The following IFRD1 variants were observed in gnomAD, a reference collection of about 807,000 sequenced individuals.
IFRD1 encodes the protein interferon related developmental regulator 1.
In IFRD1, 35 loss-of-function variants were observed where a neutral mutation model predicts 52.9. The observed-to-expected ratio is 0.66, with a 90% CI of 0.51 to 0.88. The LOEUF is 0.88. Ranked by LOEUF, IFRD1 falls within the 40% of genes least tolerant of loss-of-function variation. The pLI is 0.00. For missense variants in IFRD1, 517 were observed against 550.8 expected, an observed-to-expected ratio of 0.94 and a Z score of 0.61; for synonymous variants, 184 against 188.4, an observed-to-expected ratio of 0.98 and a Z score of 0.19.
At chr7:112,430,396 AGGGGT>A (rs1794522948) in intron 1 of IFRD1, among the ~76,000 whole-genome samples, 1 of 152,204 alleles carries the variant, frequency 6.6e-6, no homozygotes, top group African/African-American at 2.4e-5. Context: ...TGAGATGGCC[AGGGGT>A]GGCCTGCTGA....
At chr7:112,462,664 T>C (rs1334967734) in intron 8 of IFRD1, among the ~76,000 whole-genome samples, 1 of 152,140 alleles carries the variant, frequency 6.6e-6, no homozygotes, top group Non-Finnish European at 1.5e-5. Context: ...AATATAATCT[T>C]TATGAAACTG....
At chr7:112,450,937 G>A (rs1795144882) in intron 1 of IFRD1, 155 bp downstream of exon 1, 2 of 677,418 alleles carry the variant, frequency 3.0e-6, no homozygotes, top group Admixed American at 2.3e-5. Context: ...TTCCCAGCGT[G>A]CCCTGGGCGC....
At chr7:112,435,386 C>T (rs1244998398) in intron 1 of IFRD1, 1 of 152,106 alleles carries the variant, frequency 6.6e-6, no homozygotes, top group Middle Eastern at 3.2e-3. Flanking sequence ...TAAATGGTTC[C>T]CTTATTAGAT....
chr7:112,468,891 T>A (rs1795680705), intron 9 of IFRD1, among the ~76,000 whole-genome samples: 1 of 152,252 alleles, frequency 6.6e-6, no homozygotes, highest in African/African-American at 2.4e-5. Flanking sequence ...TATCTGATGC[T>A]TGAATTTCTT....
At chr7:112,429,548 A>C (rs930561858) in intron 1 of IFRD1, among the ~76,000 whole-genome samples, 6 of 152,164 alleles carry the variant, frequency 3.9e-5, no homozygotes, top group African/African-American at 1.2e-4. Flanking sequence ...CCACCTGATA[A>C]ATGGCTTCTA....
At chr7:112,423,430 A>G (rs1273781210) in exon 1 of IFRD1, 1 of 152,210 alleles carries the variant, frequency 6.6e-6, no homozygotes, top group Non-Finnish European at 1.5e-5. Flanking sequence ...AGCCGATCAC[A>G]AGGTAGGTAT....
At position 112,461,857 on chromosome 7, in the gene IFRD1, T is replaced by A; in HGVS notation, c.568-9T>A. The A allele has an allele frequency of 1.4e-5, 20 of 1,455,168 alleles. No individual in the cohort carries two copies. The highest frequency in any genetic ancestry group is 1.9e-5 in the Non-Finnish European group (20 of 1,044,428). The allele number at this position is 1,455,168 out of a possible 1,614,324, so 90.1% of individuals were successfully genotyped here. A position where few individuals can be genotyped will look rare whatever the true frequency, so the allele number is the denominator to read the frequency against. On this transcript the variant is annotated splice_polypyrimidine_tract_variant and intron_variant, in intron 5 of 11. Transcript: ENST00000403825. ...ATTAATGTCTATATATATATATTTT[T>A]TTTTTTAGTGTGCAACTTGCTTTGG...
intron 3 of IFRD1, 39 bp downstream of exon 3, chr7:112,456,125 G>C: frequency 1.8e-6 from 2 of 1,114,658 alleles, no homozygotes; most frequent in Non-Finnish European, 2.8e-6. Flanking sequence ...GTGAGTCTAT[G>C]CTTGATCTTA....
chr7:112,467,888 A>G (rs1386043490), intron 8 of IFRD1, 93 bp from the exon 9 acceptor site: 12 of 1,195,022 alleles, frequency 1.0e-5, no homozygotes, highest in Admixed American at 1.8e-5. Context: ...GCAACTGGAT[A>G]TTTTCCAAAT....
intron 5 of IFRD1, 147 bp from the exon 6 acceptor site, chr7:112,461,719 C>T: frequency 6.5e-6 from 3 of 461,056 alleles, no homozygotes; most frequent in East Asian, 3.4e-5. Flanking sequence ...TATTCTTTCT[C>T]TCCTCACCTC....
chr7:112,445,490 G>A (rs899151263), upstream of IFRD1, among the ~76,000 whole-genome samples: 1 of 152,190 alleles, frequency 6.6e-6, no homozygotes, highest in Non-Finnish European at 1.5e-5. Flanking sequence ...TCTGCGTAGG[G>A]TTGTTGTAAG....
At chr7:112,459,559 A>AT (rs1795380741) in intron 5 of IFRD1, among the ~76,000 whole-genome samples, 2 of 152,188 alleles carry the variant, frequency 1.3e-5, no homozygotes, top group Non-Finnish European at 2.9e-5. Flanking sequence ...AGCTTGAAAC[A>AT]TTTTAATACT....
intron 1 of IFRD1, among the ~76,000 whole-genome samples, chr7:112,429,757 C>T (rs1315294715): frequency 6.6e-6 from 1 of 152,180 alleles, no homozygotes; most frequent in African/African-American, 2.4e-5. Flanking sequence ...CGGGATAAGG[C>T]AGGCCTAGCA....
chr7:112,476,347 A>G lies in IFRD1; in HGVS notation c.*828A>G, dbSNP rs1795902846. ...ATGTAGCAATACATAATTGGGATTA[A>G]GGTTTCTGACTTTCAAGAATATTTC... is the stretch of plus-strand genomic sequence containing the variant. On this transcript the variant is annotated 3_prime_UTR_variant, in exon 12 of 12. Coordinates refer to ENST00000403825, the MANE Select transcript of IFRD1 (RefSeq NM_001550.4). 1 of 152,214 alleles carries G rather than the reference A, an allele frequency of 6.6e-6. No individual in the cohort carries two copies. The highest frequency in any genetic ancestry group is 6.5e-5 in the Admixed American group (1 of 15,282). The allele number at this position is 152,214 out of a possible 1,614,324, so 9.4% of individuals were successfully genotyped here. A position where few individuals can be genotyped will look rare whatever the true frequency, so the allele number is the denominator to read the frequency against.
chr7:112,440,090 A>G (rs1004108025), intron 1 of IFRD1, among the ~76,000 whole-genome samples: 2 of 152,032 alleles, frequency 1.3e-5, no homozygotes, highest in Admixed American at 1.3e-4. Flanking sequence ...GGTTCAAGAA[A>G]TTCTCCTGCC....
At chr7:112,470,028 C>T (rs1014189179) in intron 9 of IFRD1, among the ~76,000 whole-genome samples, 3 of 151,702 alleles carry the variant, frequency 2.0e-5, no homozygotes, top group Non-Finnish European at 4.4e-5. Context: ...GGTTGCTCAA[C>T]TGCCACAAAG....
At chr7:112,442,588 T>C (rs3109105) in intron 1 of IFRD1, among the ~76,000 whole-genome samples, 51,594 of 152,024 alleles carry the variant, frequency 0.34, 9,950 homozygotes, top group African/African-American at 0.52. Flanking sequence ...GAGGAACCTC[T>C]TTGGTCATGT....
At position 112,455,869 on chromosome 7, in the gene IFRD1, T is replaced by G. The variant is rs1795279050; in HGVS notation, c.199+2T>G. 1.9e-6 allele frequency: 3 copies of G among 1,598,646 alleles called. No individual in the cohort carries two copies. Among genetic ancestry groups the G allele is most frequent in the Admixed American group, 3.3e-5 (2 of 59,996 alleles). The stretch of plus-strand genomic sequence containing the variant: ...ATCCTTCCAGTTTTGCTGAAGATGG[T>G]ATGAGTTTTAAATTTAAATTTGCAA... On this transcript the variant is annotated splice_donor_variant, in intron 2 of 11. Transcript: ENST00000403825. LOFTEE classifies it high-confidence loss of function.
At chr7:112,446,921 G>A (rs530790282), upstream of IFRD1, among the ~76,000 whole-genome samples, 1 of 152,252 alleles carries the variant, frequency 6.6e-6, no homozygotes, top group East Asian at 1.9e-4. Flanking sequence ...ATTAGGAAAG[G>A]GACTGTGTTA....
Sources: gnomAD v4.1 joint callset for allele counts (sites outside exome capture counted in the v4.1 genomes callset) on GRCh38, gnomAD v4.1.1 for gene constraint, MANE v1.5 for transcripts, NCBI Gene and HGNC (gene_info 2026-07-23, HGNC 2026-07-21) for gene names.